NEDD1: variants seen among roughly 807,000 people sequenced by gnomAD.
NEDD1 encodes the protein NEDD1 gamma-tubulin ring complex targeting factor.
Under a neutral mutation model 74.0 loss-of-function variants are expected in NEDD1, and 33 were observed. The observed-to-expected ratio is 0.45, with a 90% CI of 0.34 to 0.60. NEDD1 has a LOEUF of 0.60. Ranked by LOEUF, NEDD1 falls within the 20% of genes least tolerant of loss-of-function variation. The pLI is 0.01. For missense variants in NEDD1, 746 were observed against 776.5 expected, an observed-to-expected ratio of 0.96 and a Z score of 0.47; for synonymous variants, 250 against 264.4, an observed-to-expected ratio of 0.95 and a Z score of 0.53.
At chr12:96,914,155 T>G (rs896861582) in intron 4 of NEDD1, among the ~76,000 whole-genome samples, 3 of 152,162 alleles carry the variant, frequency 2.0e-5, no homozygotes, top group Admixed American at 2.0e-4. Flanking sequence ...ACTGAAGTCT[T>G]CAAGAGCAGG....
intron 12 of NEDD1, 93 bp from the exon 13 acceptor site, chr12:96,944,546 A>G: frequency 1.5e-6 from 1 of 646,782 alleles, no homozygotes; most frequent in South Asian, 2.4e-5. Flanking sequence ...TAACCTACAT[A>G]CTGGGACAAA....
At chr12:96,925,330 G>T (rs1388981053) in intron 6 of NEDD1, among the ~76,000 whole-genome samples, 1 of 152,184 alleles carries the variant, frequency 6.6e-6, no homozygotes, top group Non-Finnish European at 1.5e-5. Context: ...TCACAGCATA[G>T]AATGCTTACC....
At position 96,907,328 on chromosome 12, in the gene NEDD1, CG is replaced by C. The variant is rs1027742120; in HGVS notation, c.-262+31del. 47 of 368,410 alleles carry C rather than the reference CG, an allele frequency of 1.3e-4. 1 individual carries two copies. Among genetic ancestry groups the C allele is most frequent in the African/African-American group, 8.1e-4 (38 of 46,892 alleles). The allele number at this position is 368,410 out of a possible 1,614,324, so 22.8% of individuals were successfully genotyped here. Reference sequence around the variant, plus strand: ...GAGGTTCCGGAGGCCCTGAGGTCAGCGGGCCCCCGCCCGCCGCGTCCGCGCA... The same window carrying C: ...GAGGTTCCGGAGGCCCTGAGGTCAGCGGCCCCCGCCCGCCGCGTCCGCGCA... On this transcript the variant is annotated intron_variant, in intron 1 of 15. Coordinates refer to ENST00000266742, the MANE Select transcript of NEDD1 (RefSeq NM_152905.4).
Position 96,953,210 on chromosome 12 carries a change from A to T in NEDD1, c.*1157A>T, listed in dbSNP as rs1878861045. 7.5e-6 allele frequency: 1 copy of T among 134,158 alleles called. No homozygotes were observed. Among genetic ancestry groups the T allele is most frequent in the African/African-American group, 2.9e-5 (1 of 34,510 alleles). 8.3% of individuals were successfully genotyped at this position (134,158 alleles called of 1,614,324 possible). On this transcript the variant is annotated 3_prime_UTR_variant, in exon 16 of 16. Transcript: ENST00000266742. Reference sequence around the variant, plus strand: ...TGAGATGAAAGTATTTACTAAAATTAAAAAAAAAAAAACAAAAAACAAACC... The same window carrying T: ...TGAGATGAAAGTATTTACTAAAATTTAAAAAAAAAAAACAAAAAACAAACC...
chr12:96,934,505 T>C (rs949016835), intron 6 of NEDD1, among the ~76,000 whole-genome samples: 2 of 151,844 alleles, frequency 1.3e-5, no homozygotes, highest in African/African-American at 2.4e-5. Flanking sequence ...TCTTTTCTTT[T>C]TTTTTTTTAA....
Position 96,920,096 on chromosome 12 carries a change from A to C in NEDD1, c.460A>C (p.Ser154Arg). The C allele has an allele frequency of 6.2e-7, 1 of 1,603,904 alleles. No individual in the cohort carries two copies. Among genetic ancestry groups the C allele is most frequent in the Non-Finnish European group, 8.5e-7 (1 of 1,173,016 alleles). The change falls in exon 6 of 16, where the codon AGT becomes CGT. Residue 154 changes from serine to arginine, a missense_variant. Ser to Arg is a moderately radical substitution (Grantham distance 110, BLOSUM62 -1). Coordinates refer to ENST00000266742, the MANE Select transcript of NEDD1 (RefSeq NM_152905.4). ...ILHSVTTNLS[S>R]TPFGHGSNQS... ...ACACAGTGTAACCACTAATTTATCTAGTACTCCTTTTGGCCATGGTAGTAA... is the reference window on the plus strand; with the variant it reads ...ACACAGTGTAACCACTAATTTATCTCGTACTCCTTTTGGCCATGGTAGTAA...
At chr12:96,949,322 T>A (rs963338003) in intron 14 of NEDD1, among the ~76,000 whole-genome samples, 8 of 152,224 alleles carry the variant, frequency 5.3e-5, no homozygotes, top group Non-Finnish European at 1.0e-4. Flanking sequence ...AGGAAATTTT[T>A]AAAAATACCC....
intron 6 of NEDD1, among the ~76,000 whole-genome samples, chr12:96,934,017 T>G (rs1265872160): frequency 2.6e-5 from 4 of 152,204 alleles, no homozygotes; most frequent in Non-Finnish European, 4.4e-5. Context: ...AGCATTGCCC[T>G]CAGGCTAATG....
At position 96,940,481 on chromosome 12, in the gene NEDD1, GC is replaced by G; in HGVS notation, c.1191del (p.Phe398LeufsTer9). On this transcript the variant is annotated frameshift_variant, in exon 10 of 16. Transcript: ENST00000266742. LOFTEE classifies it high-confidence loss of function. ...AGTGGAAAAAATCAGGATTTCTCCAGCTTTGATGATACTGGGAAAAGTAGTT... is the reference window on the plus strand; with the variant it reads ...AGTGGAAAAAATCAGGATTTCTCCAGTTTGATGATACTGGGAAAAGTAGTT... Reference protein sequence around the residue: ...TDSGKNQDFSSFDDTGKSSLG... With the variant: ...TDSGKNQDFSXFDDTGKSSLG... The G allele has an allele frequency of 6.2e-7, 1 of 1,606,588 alleles. No homozygotes were observed. The highest frequency in any genetic ancestry group is 8.5e-7 in the Non-Finnish European group (1 of 1,174,032).
chr12:96,925,860 C>G (rs1161055329), intron 6 of NEDD1, among the ~76,000 whole-genome samples: 1 of 152,178 alleles, frequency 6.6e-6, no homozygotes, highest in African/African-American at 2.4e-5. Context: ...CTTGGGCATT[C>G]TGCATCTCTG....
chr12:96,945,851 T>A lies in NEDD1; in HGVS notation c.1811+2T>A. ...ACAGGAAACGTTGGATGACTTTAGG[T>A]AGTAATTGAGAAACTACTCCTTCTA... On this transcript the variant is annotated splice_donor_variant, in intron 14 of 15. Transcript: ENST00000266742. LOFTEE classifies it high-confidence loss of function. 1 of 1,597,664 alleles carries A rather than the reference T, an allele frequency of 6.3e-7. No homozygotes were observed. Among genetic ancestry groups the A allele is most frequent in the Non-Finnish European group, 8.6e-7 (1 of 1,166,838 alleles).
intron 6 of NEDD1, among the ~76,000 whole-genome samples, chr12:96,929,634 A>G (rs1359190350): frequency 9.4e-6 from 1 of 106,228 alleles, no homozygotes; most frequent in East Asian, 2.4e-4. Flanking sequence ...TTTTTTTTTT[A>G]ATGGCTGCTT....
At chr12:96,938,998 T>C (rs1055945677) in intron 9 of NEDD1, among the ~76,000 whole-genome samples, 6 of 152,052 alleles carry the variant, frequency 3.9e-5, no homozygotes, top group Non-Finnish European at 2.9e-5. Context: ...CTGTTAGGGT[T>C]ATTGTGAAAA....
intron 14 of NEDD1, among the ~76,000 whole-genome samples, chr12:96,948,415 G>A (rs1419706171): frequency 6.6e-6 from 1 of 152,092 alleles, no homozygotes; most frequent in Admixed American, 6.6e-5. Context: ...ACTCTGTCAA[G>A]GGCATGAAGA....
At chr12:96,931,928 A>C (rs1048568477) in intron 6 of NEDD1, among the ~76,000 whole-genome samples, 1 of 152,138 alleles carries the variant, frequency 6.6e-6, no homozygotes, top group African/African-American at 2.4e-5. Context: ...CTATTAAATA[A>C]TTATCTTAGT....
intron 6 of NEDD1, among the ~76,000 whole-genome samples, chr12:96,925,864 ATC>A (rs1276924468): frequency 6.6e-6 from 1 of 152,182 alleles, no homozygotes; most frequent in Non-Finnish European, 1.5e-5. Flanking sequence ...GGCATTCTGC[ATC>A]TCTGTAGGAT....
intron 6 of NEDD1, among the ~76,000 whole-genome samples, chr12:96,931,035 G>GT (rs1313384114): frequency 6.6e-6 from 1 of 152,158 alleles, no homozygotes; most frequent in African/African-American, 2.4e-5. Context: ...ATGGAAATGG[G>GT]ATAACTATGT....
At chr12:96,935,271 T>A (rs969573911) in intron 7 of NEDD1, 66 bp downstream of exon 7, 3 of 969,820 alleles carry the variant, frequency 3.1e-6, no homozygotes, top group Non-Finnish European at 4.9e-6. Context: ...ACAGGCATAT[T>A]TGTGATTTAT....
chr12:96,917,474 G>A, intron 4 of NEDD1, 147 bp from the exon 5 acceptor site: 1 of 897,594 alleles, frequency 1.1e-6, no homozygotes, highest in South Asian at 4.4e-5. Flanking sequence ...GACGATGAGA[G>A]AGTGGCTCTT....
Sources: gnomAD v4.1 joint callset for allele counts (sites outside exome capture counted in the v4.1 genomes callset) on GRCh38, gnomAD v4.1.1 for gene constraint, MANE v1.5 for transcripts, NCBI Gene and HGNC (gene_info 2026-07-23, HGNC 2026-07-21) for gene names.